The following CCDC51 variants were observed in gnomAD, a reference collection of about 807,000 sequenced individuals.
CCDC51 encodes mitochondrial potassium channel.
A neutral mutation model predicts 24.8 loss-of-function variants in CCDC51; 25 were observed. That is an observed-to-expected ratio of 1.01 (90% CI 0.73 to 1.41). The LOEUF is 1.41. CCDC51 is among the 40% of genes most tolerant of loss of function. The probability of loss-of-function intolerance (pLI) is 0.00; values close to 1 mark genes in which losing one functional copy is unlikely to be tolerated. For missense variants in CCDC51, 466 were observed against 519.1 expected, an observed-to-expected ratio of 0.90 and a Z score of 0.99; for synonymous variants, 190 against 204.3, an observed-to-expected ratio of 0.93 and a Z score of 0.60.
upstream of CCDC51, among the ~76,000 whole-genome samples, chr3:48,442,416 ATCT>A (rs1271924813): frequency 6.9e-5 from 10 of 144,564 alleles, no homozygotes; most frequent in Non-Finnish European, 7.6e-5. Flanking sequence ...GCCCCTTTGG[ATCT>A]TCTTTCCTGT....
Position 48,440,006 on chromosome 3 carries a change from G to C in CCDC51, c.-27C>G. 2 of 490,004 alleles carry C rather than the reference G, an allele frequency of 4.1e-6. No individual in the cohort carries two copies. The highest frequency in any genetic ancestry group is 7.2e-6 in the Non-Finnish European group (2 of 278,686). The allele number at this position is 490,004 out of a possible 1,614,324, so 30.4% of individuals were successfully genotyped here. On this transcript the variant is annotated 5_prime_UTR_variant, in exon 1 of 4. Coordinates refer to ENST00000395694, the MANE Select transcript of CCDC51 (RefSeq NM_001256964.2). ...TGTCTACCTGCAGTGCTCTTCCCGC[G>C]CACGGCCACAGGCCTGGTAGGCCGT...
chr3:48,440,157 C>T (rs542494581), upstream of CCDC51: 128 of 1,418,314 alleles, frequency 9.0e-5, no homozygotes, highest in South Asian at 2.8e-4. Flanking sequence ...GTACCCGCCC[C>T]TGGAGCGCCG....
Position 48,434,857 on chromosome 3 carries a change from C to T in CCDC51, c.272G>A (p.Gly91Glu), listed in dbSNP as rs376034975. The change falls in exon 2 of 4, where the codon GGA (glycine) becomes GAA (glutamate). Residue 91 changes from glycine to glutamate, a missense_variant. Transcript: ENST00000395694. ...CTGGGCCTCTCGAACCTCGTTGAGT[C>T]CAACAAACTCTTCATATCTGTCCCA... ...TWWDRYEEFV[G>E]LNEVREAQGK... The T allele has an allele frequency of 1.2e-4, 191 of 1,612,852 alleles. No individual in the cohort carries two copies. Among genetic ancestry groups the T allele is most frequent in the Non-Finnish European group, 1.5e-4 (176 of 1,179,232 alleles).
upstream of CCDC51, chr3:48,440,497 G>C (rs928695090): frequency 1.9e-6 from 3 of 1,603,246 alleles, no homozygotes; most frequent in African/African-American, 2.7e-5. Flanking sequence ...GTGCGGGGGC[G>C]CTGGGAGACA....
At chr3:48,445,711 T>A in the CCDC51 span, among the ~76,000 whole-genome samples, 1 of 152,216 alleles carries the variant, frequency 6.6e-6, no homozygotes, top group East Asian at 1.9e-4. Context: ...CTGATAGCAC[T>A]CTCTTTTTCA....
In CCDC51 at chr3:48,437,545, G is replaced by C. The variant is rs960374669; in HGVS notation, c.-8-2409C>G. ...AGTGCAACTGGAAAGCAAAAGCAGA[G>C]AAGAGTGGATGGAGAGGCTGGATAG... On this transcript the variant is annotated intron_variant, in intron 1 of 3. Transcript: ENST00000395694. This position sits in a 1 kb window ranked among gnomAD's most constrained non-coding sequence, Gnocchi z 4.2. Among the ~76,000 whole-genome samples, 1 of 152,190 alleles carries C rather than the reference G, an allele frequency of 6.6e-6. No individual in the cohort carries two copies. The highest frequency in any genetic ancestry group is 1.5e-5 in the Non-Finnish European group (1 of 68,042).
At position 48,433,578 on chromosome 3, in the gene CCDC51, A is replaced by T; in HGVS notation, c.477+129T>A. The T allele has an allele frequency of 1.0e-6, 1 of 960,652 alleles. No individual in the cohort carries two copies. The highest frequency in any genetic ancestry group is 1.6e-5 in the South Asian group (1 of 62,672). The allele number at this position is 960,652 out of a possible 1,614,324, so 59.5% of individuals were successfully genotyped here. A position where few individuals can be genotyped will look rare whatever the true frequency, so the allele number is the denominator to read the frequency against. ...GCTTGGGGTTCTGTCCATCCATAGG[A>T]GCTTCTGGCTCACCTCTGTACCAGG... On this transcript the variant is annotated intron_variant, in intron 3 of 3. Coordinates refer to ENST00000395694, the MANE Select transcript of CCDC51 (RefSeq NM_001256964.2). The surrounding 1 kb of genome is among the most constrained non-coding windows in gnomAD (Gnocchi z 4.4).
chr3:48,443,667 A>G (rs1357944224), upstream of CCDC51, among the ~76,000 whole-genome samples: 1 of 152,044 alleles, frequency 6.6e-6, no homozygotes, highest in Non-Finnish European at 1.5e-5. Flanking sequence ...CTTGTACTCC[A>G]TCTCATCCTC....
chr3:48,444,840 C>T (rs987276955), upstream of CCDC51, among the ~76,000 whole-genome samples: 1 of 152,148 alleles, frequency 6.6e-6, no homozygotes, highest in Non-Finnish European at 1.5e-5. Flanking sequence ...GAAGCCCCAG[C>T]CCACTTGCTG....
At chr3:48,441,206 C>T (rs1335688728), upstream of CCDC51, among the ~76,000 whole-genome samples, 3 of 151,316 alleles carry the variant, frequency 2.0e-5, no homozygotes, top group South Asian at 2.1e-4. Context: ...AGACGGAGTG[C>T]GGCTAATTTT....
At position 48,433,643 on chromosome 3, in the gene CCDC51, T is replaced by C; in HGVS notation, c.477+64A>G. The C allele has an allele frequency of 4.5e-6, 7 of 1,554,720 alleles. No homozygotes were observed. The highest frequency in any genetic ancestry group is 6.1e-6 in the Non-Finnish European group (7 of 1,143,642). On this transcript the variant is annotated intron_variant, in intron 3 of 3. Coordinates refer to ENST00000395694, the MANE Select transcript of CCDC51 (RefSeq NM_001256964.2). The surrounding 1 kb of genome is among the most constrained non-coding windows in gnomAD (Gnocchi z 4.4). ...CCAGTCAGGGTTCCCACCCGGCCCC[T>C]CCATGATCTGCCAGGCTAGGGTCAC...
upstream of CCDC51, chr3:48,445,120 C>G (rs2039644901): frequency 6.6e-6 from 1 of 152,020 alleles, no homozygotes; most frequent in African/African-American, 2.4e-5. Flanking sequence ...CTGCAGTGAG[C>G]CAAGATCACA....
At chr3:48,443,963 T>C (rs1440991908), upstream of CCDC51, 6 of 1,011,278 alleles carry the variant, frequency 5.9e-6, no homozygotes, top group Admixed American at 2.2e-4. Context: ...ATAACATCTT[T>C]TGCCACGTAT....
rs1002996914 is a variant in CCDC51 at position 48,433,267 on chromosome 3, C to T, written c.478-101G>A. 54 of 1,155,342 alleles carry T rather than the reference C, an allele frequency of 4.7e-5. No individual in the cohort carries two copies. The East Asian group carries it at 1.2e-3, about 26-fold the overall frequency. 71.6% of individuals were successfully genotyped at this position (1,155,342 alleles called of 1,614,324 possible). Reference sequence around the variant, plus strand: ...TCACTACCTTGTGCCTGGCAGAGTACATGTTCCATAGACCCATGCTGAATG... The same window carrying T: ...TCACTACCTTGTGCCTGGCAGAGTATATGTTCCATAGACCCATGCTGAATG... On this transcript the variant is annotated intron_variant, in intron 3 of 3. Transcript: ENST00000395694. The surrounding 1 kb of genome is among the most constrained non-coding windows in gnomAD (Gnocchi z 4.4).
chr3:48,435,112 G>A lies in CCDC51; in HGVS notation c.17C>T (p.Pro6Leu). 6.3e-7 allele frequency: 1 copy of A among 1,586,698 alleles called. No homozygotes were observed. Among genetic ancestry groups the A allele is most frequent in the Non-Finnish European group, 8.6e-7 (1 of 1,166,332 alleles). Residue 6 changes from proline (P) to leucine (L), a missense_variant, in exon 2 of 4, where the codon CCT becomes CTT. Transcript: ENST00000395694. The surrounding 1 kb of genome is among the most constrained non-coding windows in gnomAD (Gnocchi z 4.2). MMGRSPGFAMQHIVGV... is the reference protein window; with the variant it reads MMGRSLGFAMQHIVGV... ...CACGATGTGCTGCATGGCAAACCCA[G>A]GGCTGCGCCCCATCATCCTGAGATC...
At chr3:48,446,134 G>T in the CCDC51 span, 1 of 148,860 alleles carries the variant, frequency 6.7e-6, no homozygotes, top group Non-Finnish European at 1.5e-5. Context: ...CAGAGCTTAG[G>T]AAAAAAAAAC....
At chr3:48,439,837 T>A (rs72925236) in intron 1 of CCDC51, among the ~76,000 whole-genome samples, 151 bp downstream of exon 1, 7,362 of 151,402 alleles carry the variant, frequency 0.049, 544 homozygotes, top group African/African-American at 0.16. Context: ...CCTTACAGGG[T>A]TTTCCAAAGC....
At chr3:48,445,426 G>A (rs1227751187), upstream of CCDC51, among the ~76,000 whole-genome samples, 1 of 152,214 alleles carries the variant, frequency 6.6e-6, no homozygotes. Flanking sequence ...TGCACAGCCA[G>A]TAGCACCCTT....
rs1276696939 is a variant in CCDC51, at chr3:48,435,187, A to G, written c.-8-51T>C. ...AGCTCACAGCTGAGAAAGGCTGGAC[A>G]TAAGTCAGTTTTGAGGCCTAGGGAC... is the stretch of plus-strand genomic sequence containing the variant. On this transcript the variant is annotated intron_variant, in intron 1 of 3. Transcript: ENST00000395694. This position sits in a 1 kb window ranked among gnomAD's most constrained non-coding sequence, Gnocchi z 4.2. The G allele has an allele frequency of 7.5e-6, 11 of 1,468,140 alleles. No homozygotes were observed. Among genetic ancestry groups the G allele is most frequent in the Non-Finnish European group, 9.1e-7 (1 of 1,099,672 alleles). 90.9% of individuals were successfully genotyped at this position (1,468,140 alleles called of 1,614,324 possible). A position where few individuals can be genotyped will look rare whatever the true frequency, so the allele number is the denominator to read the frequency against.
Sources: gnomAD v4.1 joint callset for allele counts (sites outside exome capture counted in the v4.1 genomes callset) on GRCh38, gnomAD v4.1.1 for gene constraint, Gnocchi (gnomAD v3.1) non-coding constraint, MANE v1.5 for transcripts, NCBI Gene and HGNC (gene_info 2026-07-23, HGNC 2026-07-21) for gene names.